Variants in PTPRN2 observed in about 807,000 individuals in gnomAD.
PTPRN2 encodes the protein protein tyrosine phosphatase receptor type N2.
In PTPRN2, 74 loss-of-function variants were observed where a neutral mutation model predicts 118.8. The observed-to-expected ratio is 0.62, with a 90% CI of 0.52 to 0.76. The LOEUF is 0.76. Ranked by LOEUF, PTPRN2 falls within the 30% of genes least tolerant of loss-of-function variation. The pLI, the probability that PTPRN2 is intolerant of heterozygous loss-of-function variation, is 0.00. For synonymous variants in PTPRN2, 641 were observed against 608.0 expected (o/e 1.05, Z -0.80); for missense variants, 1,481 against 1,394.4 (o/e 1.06, Z -0.99).
chr7:157,754,621 C>T lies in PTPRN2; in HGVS notation c.1789-71684G>A, dbSNP rs116355253. On this transcript the variant is annotated intron_variant, in intron 12 of 22. Transcript: ENST00000389418. ...CCACCTTTGGAGGAGGCCGAGGCTC[C>T]GGCTGGAAAGGTGCCCAGTCTGGGG... is the stretch of plus-strand genomic sequence containing the variant. Among the ~76,000 whole-genome samples, 776 of 152,320 alleles carry T rather than the reference C, an allele frequency of 5.1e-3. 7 individuals carry two copies. The highest frequency in any genetic ancestry group is 0.017 in the African/African-American group (701 of 41,576).
chr7:157,568,909 C>T lies in PTPRN2; in HGVS notation c.2895G>A (p.Met965Ile), dbSNP rs764464048. ...YVLIDMVLNK[M>I]AKGAKEIDIA... Reference sequence around the variant, plus strand: ...GCAGTGTCTGTGTCTCACCTTTGGCCATCTTGTTGAGAACCATGTCGATCA... The same window carrying T: ...GCAGTGTCTGTGTCTCACCTTTGGCTATCTTGTTGAGAACCATGTCGATCA... The change falls in exon 21 of 23, where the codon ATG becomes ATA. Residue 965 changes from methionine (M) to isoleucine (I), a missense_variant. Met to Ile is a conservative substitution (Grantham distance 10). This residue lies in a region of PTPRN2 where 362 missense variants were observed against 384.1 expected (regional missense o/e 0.94). Coordinates refer to ENST00000389418, the MANE Select transcript of PTPRN2 (RefSeq NM_002847.5). The T allele has an allele frequency of 4.5e-6, 7 of 1,564,358 alleles. No individual in the cohort carries two copies. Among genetic ancestry groups the T allele is most frequent in the African/African-American group, 2.7e-5 (2 of 73,794 alleles).
intron 12 of PTPRN2, among the ~76,000 whole-genome samples, chr7:157,749,065 T>C (rs1445364519): frequency 5.4e-5 from 5 of 91,800 alleles, no homozygotes; most frequent in African/African-American, 9.5e-5. Flanking sequence ...CCCTGAGCTG[T>C]GGGCTGTCCG....
At chr7:158,009,985 T>C (rs1401503042) in intron 11 of PTPRN2, among the ~76,000 whole-genome samples, 1 of 152,078 alleles carries the variant, frequency 6.6e-6, no homozygotes, top group Non-Finnish European at 1.5e-5. Flanking sequence ...CTCCCGCCCA[T>C]CCTTCAAGAC....
chr7:157,548,847 C>G, intron 22 of PTPRN2, 99 bp downstream of exon 22: 1 of 1,184,690 alleles, frequency 8.4e-7, no homozygotes, highest in Non-Finnish European at 1.2e-6. Flanking sequence ...CGGTGTGCGG[C>G]TCACATTAAA....
At chr7:157,644,243 C>G (rs367585340) in intron 14 of PTPRN2, among the ~76,000 whole-genome samples, 1 of 152,206 alleles carries the variant, frequency 6.6e-6, no homozygotes, top group Non-Finnish European at 1.5e-5. Flanking sequence ...CTCCCACAGA[C>G]GAAAGGTTCT....
At chr7:157,970,465 G>A (rs1481215460) in intron 11 of PTPRN2, among the ~76,000 whole-genome samples, 29 of 152,228 alleles carry the variant, frequency 1.9e-4, no homozygotes, top group Admixed American at 1.9e-3. Flanking sequence ...AGGGTCTGAA[G>A]TCATGAAAAT....
intron 10 of PTPRN2, among the ~76,000 whole-genome samples, chr7:158,102,385 T>C (rs1339304245): frequency 6.6e-6 from 1 of 152,162 alleles, no homozygotes; most frequent in Non-Finnish European, 1.5e-5. Context: ...ATCTCAGTTA[T>C]GTGTCTGGGT....
intron 3 of PTPRN2, among the ~76,000 whole-genome samples, chr7:158,281,979 C>A (rs1439661450): frequency 1.3e-5 from 2 of 152,198 alleles, no homozygotes; most frequent in African/African-American, 4.8e-5. Context: ...CATCGTCTCC[C>A]AGACATTTTG....
At chr7:158,170,653 G>A (rs1286278095) in intron 5 of PTPRN2, among the ~76,000 whole-genome samples, 1 of 152,198 alleles carries the variant, frequency 6.6e-6, no homozygotes, top group Non-Finnish European at 1.5e-5. Flanking sequence ...TGCAGACACT[G>A]GGGTGTTTCT....
chr7:158,363,209 G>A (rs994714633), intron 2 of PTPRN2, among the ~76,000 whole-genome samples: 1 of 152,098 alleles, frequency 6.6e-6, no homozygotes, highest in Non-Finnish European at 1.5e-5. Context: ...GGGAGGCCAG[G>A]AGAGGCTACG....
In PTPRN2 at chr7:158,171,044, CAT is replaced by C. The variant is rs984405006; in HGVS notation, c.550-3755_550-3754del. Reference sequence around the variant, plus strand: ...ATATATACACATATATATACACATACATATATATACACATATATACACATTAT... The same window carrying C: ...ATATATACACATATATATACACATACATATATACACATATATACACATTAT... On this transcript the variant is annotated intron_variant, in intron 5 of 22. Transcript: ENST00000389418. 5.0e-4 allele frequency among the ~76,000 whole-genome samples: 56 copies of C among 111,334 alleles called. 3 individuals are homozygous for C. The highest frequency in any genetic ancestry group is 4.4e-3 in the Middle Eastern group (1 of 226). The allele number at this position is 111,334 out of a possible 152,430, so 73.0% of individuals were successfully genotyped here.
intron 3 of PTPRN2, 110 bp downstream of exon 3, chr7:158,316,709 A>G: frequency 1.3e-6 from 1 of 772,476 alleles, no homozygotes. Context: ...TTCCACCACC[A>G]CACTCGTGGA....
intron 2 of PTPRN2, among the ~76,000 whole-genome samples, chr7:158,363,138 A>G (rs1809134863): frequency 6.6e-6 from 1 of 152,166 alleles, no homozygotes; most frequent in Admixed American, 6.5e-5. Context: ...GGCCAGCACC[A>G]TGGACAGCAG....
At chr7:158,008,179 A>G (rs1000631294) in intron 11 of PTPRN2, among the ~76,000 whole-genome samples, 2 of 151,508 alleles carry the variant, frequency 1.3e-5, no homozygotes, top group African/African-American at 4.9e-5. Context: ...TGGGGTGTGC[A>G]TTGCACGTGT....
At chr7:158,098,025 C>A (rs1814786371) in intron 10 of PTPRN2, among the ~76,000 whole-genome samples, 1 of 152,094 alleles carries the variant, frequency 6.6e-6, no homozygotes, top group South Asian at 2.1e-4. Flanking sequence ...CGAGGCACAG[C>A]CCACACCCCC....
At chr7:158,523,280 C>T (rs1342366347) in intron 1 of PTPRN2, among the ~76,000 whole-genome samples, 5 of 152,148 alleles carry the variant, frequency 3.3e-5, no homozygotes, top group African/African-American at 4.8e-5. Flanking sequence ...ACACGTCCCA[C>T]GGTGAGGGCT....
chr7:157,731,851 GC>G (rs1363254489), intron 12 of PTPRN2, among the ~76,000 whole-genome samples: 34 of 90,360 alleles, frequency 3.8e-4, no homozygotes, highest in Admixed American at 7.0e-4. Flanking sequence ...TCCGCCCCAT[GC>G]GCCCAGCACA....
At chr7:157,737,375 T>C (rs1342941727) in intron 12 of PTPRN2, among the ~76,000 whole-genome samples, 1 of 152,222 alleles carries the variant, frequency 6.6e-6, no homozygotes. Flanking sequence ...CAACCTGATC[T>C]GGGAGTCTGA....
intron 11 of PTPRN2, among the ~76,000 whole-genome samples, chr7:157,900,195 G>T (rs919265173): frequency 2.6e-5 from 4 of 152,216 alleles, no homozygotes; most frequent in African/African-American, 9.6e-5. Flanking sequence ...TGAAGGGCAG[G>T]TAACAACTGG....
Sources: allele counts gnomAD v4.1 joint callset (sites outside exome capture counted in the v4.1 genomes callset), GRCh38; gene constraint gnomAD v4.1.1; regional missense constraint gnomAD v4.1.1; transcripts MANE v1.5; gene names NCBI Gene and HGNC (gene_info 2026-07-23, HGNC 2026-07-21).